CNTNAP2: variants seen among roughly 807,000 people sequenced by gnomAD.
CNTNAP2 encodes contactin associated protein 2, also known as contactin-associated protein-like 2.
Under a neutral mutation model 155.2 loss-of-function variants are expected in CNTNAP2, and 98 were observed. That is an observed-to-expected ratio of 0.63 (90% confidence interval 0.54 to 0.75). The LOEUF is 0.75. CNTNAP2 is among the 30% of genes least tolerant of loss of function. CNTNAP2 has a pLI of 0.00. For synonymous variants in CNTNAP2, 651 were observed against 631.2 expected, an observed-to-expected ratio of 1.03 and a Z score of -0.47; for missense variants, 1,727 against 1,688.1, an observed-to-expected ratio of 1.02 and a Z score of -0.40.
intron 1 of CNTNAP2, among the ~76,000 whole-genome samples, chr7:146,397,492 A>T (rs1280103139): frequency 6.6e-5 from 10 of 152,236 alleles, no homozygotes; most frequent in Non-Finnish European, 1.5e-4. Context: ...ACAGGGCCAC[A>T]CAATGAGTCA....
At chr7:146,764,248 C>A (rs895732176) in intron 1 of CNTNAP2, among the ~76,000 whole-genome samples, 1 of 152,020 alleles carries the variant, frequency 6.6e-6, no homozygotes, top group African/African-American at 2.4e-5. Flanking sequence ...ATTAAAAGTT[C>A]TAGGTAGCTC....
intron 3 of CNTNAP2, among the ~76,000 whole-genome samples, chr7:146,949,775 C>G (rs1451755564): frequency 1.3e-5 from 2 of 152,160 alleles, no homozygotes; most frequent in Non-Finnish European, 2.9e-5. Flanking sequence ...GAGGCACTTA[C>G]AGACCTGATC....
intron 3 of CNTNAP2, among the ~76,000 whole-genome samples, chr7:147,037,739 G>A (rs1399211225): frequency 6.6e-6 from 1 of 151,948 alleles, no homozygotes; most frequent in African/African-American, 2.4e-5. Flanking sequence ...TTTTCTTTGA[G>A]GCACAAACAA....
chr7:147,415,789 C>T (rs1797183369), intron 10 of CNTNAP2, among the ~76,000 whole-genome samples: 1 of 152,246 alleles, frequency 6.6e-6, no homozygotes, highest in Middle Eastern at 3.4e-3. Flanking sequence ...ATATCATTTG[C>T]CGTTAAACCG....
At chr7:146,464,027 C>A (rs1212720778) in intron 1 of CNTNAP2, among the ~76,000 whole-genome samples, 3 of 151,952 alleles carry the variant, frequency 2.0e-5, no homozygotes, top group Non-Finnish European at 4.4e-5. Flanking sequence ...TTTGATCCTG[C>A]TATTATTTTA....
intron 17 of CNTNAP2, among the ~76,000 whole-genome samples, chr7:148,151,280 A>T (rs1465199720): frequency 1.3e-5 from 2 of 152,048 alleles, no homozygotes; most frequent in African/African-American, 4.8e-5. Context: ...TAGGGCCCAT[A>T]ATTATTATCA....
chr7:147,031,264 A>G (rs1524348), intron 3 of CNTNAP2, among the ~76,000 whole-genome samples: 1 of 151,962 alleles, frequency 6.6e-6, no homozygotes, highest in Non-Finnish European at 1.5e-5. Context: ...AAAATAATAT[A>G]TTTGAGTAAA....
chr7:147,673,083 A>G (rs990329372), intron 13 of CNTNAP2: 1 of 152,130 alleles, frequency 6.6e-6, no homozygotes, highest in Non-Finnish European at 1.5e-5. Flanking sequence ...ATTCCAGACT[A>G]CAAATCAATG....
rs142440635 is a variant in CNTNAP2 at position 147,910,527 on chromosome 7, C to T, written c.2255+6806C>T. Among the ~76,000 whole-genome samples, 31 of 152,238 alleles carry T rather than the reference C, an allele frequency of 2.0e-4. No individual in the cohort carries two copies. The East Asian group carries it at 5.8e-3, about 28-fold the overall frequency. Reference sequence around the variant, plus strand: ...GAATTACACACCAAGACTGTATTAGCCTGTTCTCATGCTGCTAGTGAAGAG... The same window carrying T: ...GAATTACACACCAAGACTGTATTAGTCTGTTCTCATGCTGCTAGTGAAGAG... On this transcript the variant is annotated intron_variant, in intron 14 of 23. Transcript: ENST00000361727.
At chr7:146,225,289 T>C (rs1013515028) in intron 1 of CNTNAP2, among the ~76,000 whole-genome samples, 1 of 152,122 alleles carries the variant, frequency 6.6e-6, no homozygotes, top group African/African-American at 2.4e-5. Context: ...ATAAAGACAA[T>C]CTAAGCTTCA....
chr7:147,329,586 T>C (rs1795520649), intron 9 of CNTNAP2, among the ~76,000 whole-genome samples: 1 of 152,108 alleles, frequency 6.6e-6, no homozygotes, highest in Non-Finnish European at 1.5e-5. Context: ...CATGTAAGTG[T>C]GTAAGCATCT....
intron 3 of CNTNAP2, among the ~76,000 whole-genome samples, chr7:147,000,991 T>G (rs574815368): frequency 9.1e-4 from 139 of 152,226 alleles, no homozygotes; most frequent in African/African-American, 3.2e-3. Context: ...CAGGTCTACC[T>G]AATGCTGGTT....
chr7:147,991,823 C>A (rs374799634), intron 15 of CNTNAP2, among the ~76,000 whole-genome samples: 11 of 152,244 alleles, frequency 7.2e-5, no homozygotes, highest in African/African-American at 2.6e-4. Flanking sequence ...AAGCTGTGAG[C>A]TATAAACTAC....
intron 3 of CNTNAP2, among the ~76,000 whole-genome samples, chr7:146,900,761 C>G (rs577855134): frequency 6.6e-6 from 1 of 152,252 alleles, no homozygotes; most frequent in African/African-American, 2.4e-5. Flanking sequence ...ATATTGCTAT[C>G]CGAGCGCAGA....
chr7:147,537,090 A>G (rs1294154525), intron 11 of CNTNAP2, among the ~76,000 whole-genome samples: 1 of 152,162 alleles, frequency 6.6e-6, no homozygotes, highest in East Asian at 1.9e-4. Flanking sequence ...AATCTTTCAC[A>G]ATACACTTTA....
At chr7:148,403,864 G>A (rs1161214433) in intron 22 of CNTNAP2, among the ~76,000 whole-genome samples, 3 of 146,404 alleles carry the variant, frequency 2.0e-5, no homozygotes, top group African/African-American at 4.9e-5. Context: ...GAAAATAGGA[G>A]TGCTCACACT....
chr7:147,126,430 T>C (rs1044749615), intron 6 of CNTNAP2, among the ~76,000 whole-genome samples: 5 of 152,174 alleles, frequency 3.3e-5, no homozygotes, highest in Non-Finnish European at 7.4e-5. Context: ...TCAGAAAATA[T>C]TCTGTGGTCC....
intron 1 of CNTNAP2, among the ~76,000 whole-genome samples, chr7:146,477,983 A>G (rs932771394): frequency 1.3e-5 from 2 of 152,230 alleles, no homozygotes; most frequent in Admixed American, 1.3e-4. Flanking sequence ...AAGCCTCAGA[A>G]AGATTAAGTG....
At chr7:148,399,355 C>G (rs527741433) in intron 22 of CNTNAP2, among the ~76,000 whole-genome samples, 2 of 152,270 alleles carry the variant, frequency 1.3e-5, no homozygotes, top group East Asian at 3.9e-4. Flanking sequence ...TGCCTATAGT[C>G]CCAGCTACAT....
Sources: allele counts gnomAD v4.1 joint callset (sites outside exome capture counted in the v4.1 genomes callset), GRCh38; gene constraint gnomAD v4.1.1; transcripts MANE v1.5; gene names NCBI Gene and HGNC (gene_info 2026-07-23, HGNC 2026-07-21).